The following VPS45 variants were observed in gnomAD, a reference collection of about 807,000 sequenced individuals.
VPS45 encodes the protein vacuolar protein sorting-associated protein 45.
In VPS45, 35 loss-of-function variants were observed where a neutral mutation model predicts 75.9. That is an observed-to-expected ratio of 0.46 (90% CI 0.35 to 0.61). The LOEUF (loss-of-function observed/expected upper bound fraction) is 0.61. VPS45 is among the 20% of genes least tolerant of loss of function. The probability of loss-of-function intolerance (pLI) is 0.00; values close to 1 mark genes in which losing one functional copy is unlikely to be tolerated. For synonymous variants in VPS45, 220 were observed against 238.2 expected, an observed-to-expected ratio of 0.92 and a Z score of 0.70; for missense variants, 559 against 685.9, an observed-to-expected ratio of 0.81 and a Z score of 2.07.
intron 10 of VPS45, among the ~76,000 whole-genome samples, chr1:150,089,133 G>A (rs1656184765): frequency 6.6e-6 from 1 of 151,956 alleles, no homozygotes; most frequent in South Asian, 2.1e-4. Context: ...AATAGAAAAG[G>A]GCAGAGACTG....
At chr1:150,103,283 A>G (rs1470815942) in intron 13 of VPS45, among the ~76,000 whole-genome samples, 1 of 152,178 alleles carries the variant, frequency 6.6e-6, no homozygotes. Flanking sequence ...TATGTGTTTT[A>G]CCATTGGCCT....
At chr1:150,070,028 T>G (rs1284645668) in intron 2 of VPS45, among the ~76,000 whole-genome samples, 1 of 152,136 alleles carries the variant, frequency 6.6e-6, no homozygotes, top group African/African-American at 2.4e-5. Flanking sequence ...ATCAATCCGC[T>G]ATATTCCCCT....
chr1:150,067,801 T>A lies in VPS45; in HGVS notation c.-57T>A. The A allele has an allele frequency of 6.4e-7, 1 of 1,569,812 alleles. No homozygotes were observed. The highest frequency in any genetic ancestry group is 8.8e-7 in the Non-Finnish European group (1 of 1,142,202). ...GAGACCCGGCCAACAGACTGGGGGT[T>A]AATTTAGCCAGAAAAGGGGGCGGGA... is the stretch of plus-strand genomic sequence containing the variant. On this transcript the variant is annotated 5_prime_UTR_variant, in exon 1 of 15. Transcript: ENST00000644510.
chr1:150,071,415 C>G (rs1341337515), intron 2 of VPS45, among the ~76,000 whole-genome samples: 1 of 152,102 alleles, frequency 6.6e-6, no homozygotes, highest in African/African-American at 2.4e-5. Context: ...AGTTAAAAGC[C>G]AAAGTGAATA....
intron 14 of VPS45, among the ~76,000 whole-genome samples, chr1:150,115,469 A>G (rs1657883280): frequency 6.6e-6 from 1 of 152,186 alleles, no homozygotes; most frequent in African/African-American, 2.4e-5. Context: ...CATTAACTCT[A>G]TAATCTGAAG....
At chr1:150,126,143 G>C (rs1658506410) in intron 14 of VPS45, among the ~76,000 whole-genome samples, 1 of 152,094 alleles carries the variant, frequency 6.6e-6, no homozygotes. Flanking sequence ...AACTTTCCTA[G>C]AAAGCAATTT....
chr1:150,105,957 C>G (rs1263212502), intron 13 of VPS45, among the ~76,000 whole-genome samples: 1 of 152,078 alleles, frequency 6.6e-6, no homozygotes, highest in Non-Finnish European at 1.5e-5. Flanking sequence ...AGCCACATAC[C>G]TACAACCAAC....
At chr1:150,097,087 TTTC>T (rs1266921348) in intron 13 of VPS45, among the ~76,000 whole-genome samples, 6 of 608 alleles carry the variant, frequency 9.9e-3, no homozygotes, top group South Asian at 0.071. Context: ...GTAACATTTC[TTTC>T]TTTTTTTTTT....
At position 150,093,690 on chromosome 1, in the gene VPS45, G is replaced by A. The variant is rs150954638; in HGVS notation, c.1493+42G>A. On this transcript the variant is annotated intron_variant, in intron 13 of 14. Transcript: ENST00000644510. ...ATTAATAATAAAAGCCAGAAATACT[G>A]AACAAACAGAAAATTTAGAGTAATG... The A allele has an allele frequency of 1.2e-5, 19 of 1,584,008 alleles. No individual in the cohort carries two copies. In the African/African-American group the frequency reaches 2.4e-4, roughly 20 times the overall value.
At chr1:150,104,688 G>A (rs149305877) in intron 13 of VPS45, among the ~76,000 whole-genome samples, 1 of 152,180 alleles carries the variant, frequency 6.6e-6, no homozygotes, top group East Asian at 1.9e-4. Flanking sequence ...TCCCATCTCA[G>A]TGCCCCCTCC....
At position 150,079,099 on chromosome 1, in the gene VPS45, G is replaced by A. The variant is rs587619715; in HGVS notation, c.687+1320G>A. Among the ~76,000 whole-genome samples, 13 of 96,228 alleles carry A rather than the reference G, an allele frequency of 1.4e-4. 1 individual carries two copies. The South Asian group carries it at 4.6e-3, about 34-fold the overall frequency. 63.1% of individuals were successfully genotyped at this position (96,228 alleles called of 152,430 possible). On this transcript the variant is annotated intron_variant, in intron 7 of 14. Coordinates refer to ENST00000644510, the MANE Select transcript of VPS45 (RefSeq NM_007259.5). ...GTCCTCCAGCCTGGGCAACGAGAGCGAAACTCTTGTCTCAAAAAAAAAAAA... is the reference window on the plus strand; with the variant it reads ...GTCCTCCAGCCTGGGCAACGAGAGCAAAACTCTTGTCTCAAAAAAAAAAAA...
At chr1:150,108,654 A>G (rs1657466043) in intron 13 of VPS45, among the ~76,000 whole-genome samples, 1 of 152,324 alleles carries the variant, frequency 6.6e-6, no homozygotes, top group South Asian at 2.1e-4. Context: ...AGGTATATCC[A>G]GGAGGAGCAA....
At chr1:150,073,658 G>A (rs1553797459) in intron 3 of VPS45, among the ~76,000 whole-genome samples, 1 of 151,332 alleles carries the variant, frequency 6.6e-6, no homozygotes, top group South Asian at 2.1e-4. Flanking sequence ...AAAAAACAAC[G>A]AATAATAATA....
intron 13 of VPS45, among the ~76,000 whole-genome samples, chr1:150,101,268 C>CAAAAAA (rs782740342): frequency 0.011 from 1,454 of 137,156 alleles, 24 homozygotes; most frequent in African/African-American, 0.035. Flanking sequence ...AACCCTGTCG[C>CAAAAAA]AAAAAAAAAA....
Position 150,072,147 on chromosome 1 carries a change from C to T in VPS45, c.229-19C>T, listed in dbSNP as rs1400300011. The T allele has an allele frequency of 1.9e-6, 3 of 1,600,160 alleles. No individual in the cohort carries two copies. The highest frequency in any genetic ancestry group is 3.4e-5 in the Admixed American group (2 of 58,816). On this transcript the variant is annotated intron_variant, in intron 2 of 14. Transcript: ENST00000644510. ...AGCAACTCTCCTCATATTTTGTTTGCTTGTTCTTCATTTTCTAGGAGAATG... is the reference window on the plus strand; with the variant it reads ...AGCAACTCTCCTCATATTTTGTTTGTTTGTTCTTCATTTTCTAGGAGAATG...
intron 14 of VPS45, among the ~76,000 whole-genome samples, chr1:150,135,754 T>C (rs114342650): frequency 1.6e-3 from 240 of 151,944 alleles, no homozygotes; most frequent in African/African-American, 5.6e-3. Context: ...CAATTCTGCC[T>C]CACCCCCCTG....
intron 14 of VPS45, among the ~76,000 whole-genome samples, chr1:150,143,600 AG>A (rs1659522903): frequency 1.4e-5 from 2 of 146,690 alleles, no homozygotes; most frequent in African/African-American, 5.5e-5. Flanking sequence ...AAAAAAAAAA[AG>A]AAGATTTCAG....
At chr1:150,107,205 C>T (rs140548820) in intron 13 of VPS45, among the ~76,000 whole-genome samples, 59 of 152,256 alleles carry the variant, frequency 3.9e-4, no homozygotes, top group East Asian at 1.5e-3. Context: ...ACCACATATT[C>T]GGGGAAAGCA....
intron 13 of VPS45, among the ~76,000 whole-genome samples, chr1:150,094,514 A>G (rs1211054883): frequency 6.8e-6 from 1 of 146,490 alleles, no homozygotes; most frequent in Non-Finnish European, 1.5e-5. Context: ...TGTCCTTTAA[A>G]AAATTTTTTT....
Sources: gnomAD v4.1 joint callset for allele counts (sites outside exome capture counted in the v4.1 genomes callset) on GRCh38, gnomAD v4.1.1 for gene constraint, MANE v1.5 for transcripts, NCBI Gene and HGNC (gene_info 2026-07-23, HGNC 2026-07-21) for gene names.